The following HS2ST1 variants were observed in gnomAD, a reference collection of about 807,000 sequenced individuals.
HS2ST1 encodes heparan sulfate 2-O-sulfotransferase 1.
A neutral mutation model predicts 42.9 loss-of-function variants in HS2ST1; 18 were observed. The ratio of observed to expected loss-of-function variants is 0.42; its 90% CI spans 0.29 to 0.62. The LOEUF is 0.62. Among genes scored for constraint, HS2ST1 ranks in the 20% least tolerant of loss-of-function variants. The pLI, the probability that HS2ST1 is intolerant of heterozygous loss-of-function variation, is 0.21. For synonymous variants in HS2ST1, 146 were observed against 152.9 expected, an observed-to-expected ratio of 0.95 and a Z score of 0.33; for missense variants, 334 against 433.8, an observed-to-expected ratio of 0.77 and a Z score of 2.04.
chr1:87,107,242 A>T lies in HS2ST1; in HGVS notation c.*2546A>T, dbSNP rs554800673. 2.0e-5 allele frequency: 3 copies of T among 152,114 alleles called. No homozygotes were observed. Among genetic ancestry groups the T allele is most frequent in the African/African-American group, 7.2e-5 (3 of 41,544 alleles). The allele number at this position is 152,114 out of a possible 1,614,324, so 9.4% of individuals were successfully genotyped here. ...CTTATATCCAAAGAATTGCTTTCTGATTCGTGTAGTCTCTCCCACAGATTC... is the reference window on the plus strand; with the variant it reads ...CTTATATCCAAAGAATTGCTTTCTGTTTCGTGTAGTCTCTCCCACAGATTC... On this transcript the variant is annotated 3_prime_UTR_variant, in exon 7 of 7. Coordinates refer to ENST00000370550, the MANE Select transcript of HS2ST1 (RefSeq NM_012262.4).
intron 1 of HS2ST1, among the ~76,000 whole-genome samples, chr1:87,029,551 A>G (rs778532567): frequency 3.3e-5 from 5 of 152,230 alleles, no homozygotes; most frequent in Non-Finnish European, 5.9e-5. Flanking sequence ...TATTAGTGAT[A>G]AAGCTGAGAA....
intron 1 of HS2ST1, among the ~76,000 whole-genome samples, chr1:86,995,177 C>T (rs955959209): frequency 2.6e-5 from 4 of 152,018 alleles, no homozygotes; most frequent in Admixed American, 2.0e-4. Context: ...GAAATGAAAG[C>T]AAAAATCTAC....
chr1:86,941,755 A>T (rs1193634987), intron 1 of HS2ST1, among the ~76,000 whole-genome samples: 2 of 152,202 alleles, frequency 1.3e-5, no homozygotes, highest in African/African-American at 4.8e-5. Context: ...AGCCTGGGCA[A>T]CAGAGCAAGA....
intron 5 of HS2ST1, 170 bp downstream of exon 5, chr1:87,098,105 A>T (rs1294562882): frequency 7.2e-7 from 1 of 1,387,738 alleles, no homozygotes; most frequent in Non-Finnish European, 9.4e-7. Flanking sequence ...CATTTAAAAG[A>T]TTCCTCATGT....
intron 1 of HS2ST1, among the ~76,000 whole-genome samples, chr1:87,051,517 A>T (rs1441868166): frequency 6.6e-6 from 1 of 152,242 alleles, no homozygotes; most frequent in Non-Finnish European, 1.5e-5. Context: ...AGATATTAAA[A>T]TGTCTATTGT....
intron 1 of HS2ST1, among the ~76,000 whole-genome samples, chr1:86,981,045 T>C (rs757659999): frequency 8.6e-5 from 13 of 151,940 alleles, no homozygotes; most frequent in Non-Finnish European, 1.8e-4. Flanking sequence ...CTTACAATCA[T>C]GGTGGAAGGC....
chr1:86,952,648 G>A (rs1255354365), intron 1 of HS2ST1, among the ~76,000 whole-genome samples: 2 of 152,222 alleles, frequency 1.3e-5, no homozygotes, highest in Non-Finnish European at 2.9e-5. Context: ...CTCCATCAGA[G>A]TTATTGGGTA....
chr1:87,069,106 C>T (rs1651334900), intron 1 of HS2ST1, among the ~76,000 whole-genome samples: 1 of 152,144 alleles, frequency 6.6e-6, no homozygotes, highest in East Asian at 1.9e-4. Context: ...AGAGGTGGGC[C>T]TAGTCTTGCT....
intron 4 of HS2ST1, 83 bp from the exon 5 acceptor site, chr1:87,097,751 CATTT>C (rs1652102954): frequency 6.7e-7 from 1 of 1,490,524 alleles, no homozygotes; most frequent in African/African-American, 1.4e-5. Context: ...TACTCTGGCC[CATTT>C]ATTTAATAAT....
chr1:86,915,298 G>A (rs1483275310), intron 1 of HS2ST1, 138 bp downstream of exon 1: 1 of 967,428 alleles, frequency 1.0e-6, no homozygotes, highest in Non-Finnish European at 1.5e-6. Context: ...CGGGAACAAG[G>A]GGCAGCGAGA....
chr1:86,954,594 A>G (rs969914582), intron 1 of HS2ST1, among the ~76,000 whole-genome samples: 1 of 152,214 alleles, frequency 6.6e-6, no homozygotes, highest in Admixed American at 6.5e-5. Context: ...TATTTGAACC[A>G]TTAATGCCTT....
At chr1:86,972,147 A>G (rs1201365675) in intron 1 of HS2ST1, among the ~76,000 whole-genome samples, 2 of 152,100 alleles carry the variant, frequency 1.3e-5, no homozygotes, top group Non-Finnish European at 2.9e-5. Context: ...GTTTCAGAAA[A>G]ATTTTTAAGG....
At chr1:86,985,473 TACAC>T (rs1327553600) in intron 1 of HS2ST1, among the ~76,000 whole-genome samples, 5 of 76,222 alleles carry the variant, frequency 6.6e-5, no homozygotes, top group African/African-American at 1.9e-4. Context: ...TACACATATA[TACAC>T]ATATATACAC....
chr1:87,004,220 A>T (rs957524996), intron 1 of HS2ST1, among the ~76,000 whole-genome samples: 1 of 152,054 alleles, frequency 6.6e-6, no homozygotes, highest in African/African-American at 2.4e-5. Context: ...GTGAAACCCC[A>T]TCTCTACTAC....
chr1:87,081,057 T>C (rs960446261), intron 2 of HS2ST1, among the ~76,000 whole-genome samples: 1 of 152,162 alleles, frequency 6.6e-6, no homozygotes, highest in African/African-American at 2.4e-5. Context: ...TCCAGATATA[T>C]AAAGCAAATA....
intron 1 of HS2ST1, among the ~76,000 whole-genome samples, chr1:87,032,708 C>T (rs1000613011): frequency 2.0e-5 from 3 of 152,014 alleles, no homozygotes; most frequent in African/African-American, 7.2e-5. Flanking sequence ...ACCTTGAGTT[C>T]TTGTTCTTAG....
At chr1:86,922,308 C>A (rs1380764216) in intron 1 of HS2ST1, among the ~76,000 whole-genome samples, 1 of 150,920 alleles carries the variant, frequency 6.6e-6, no homozygotes, top group East Asian at 1.9e-4. Context: ...ATACATGAGT[C>A]CTACAATACA....
intron 1 of HS2ST1, among the ~76,000 whole-genome samples, chr1:86,975,619 A>G (rs1235000643): frequency 2.0e-5 from 3 of 152,202 alleles, no homozygotes; most frequent in African/African-American, 4.8e-5. Context: ...TCAAGATGGC[A>G]TTAAACTGTT....
Position 86,914,874 on chromosome 1 carries a change from G to C in HS2ST1, c.-163G>C. The stretch of plus-strand genomic sequence containing the variant: ...CGTTGGTGATAGCGCCTGGGGGAGG[G>C]GGACTGGAGAGGCGAGAAGGGGGGT... On this transcript the variant is annotated 5_prime_UTR_variant, in exon 1 of 7. Transcript: ENST00000370550. The C allele has an allele frequency of 2.7e-6, 2 of 749,466 alleles. No homozygotes were observed. Among genetic ancestry groups the C allele is most frequent in the South Asian group, 1.8e-5 (1 of 56,622 alleles). The allele number at this position is 749,466 out of a possible 1,614,324, so 46.4% of individuals were successfully genotyped here.
Sources: gnomAD v4.1 joint callset for allele counts (sites outside exome capture counted in the v4.1 genomes callset) on GRCh38, gnomAD v4.1.1 for gene constraint, MANE v1.5 for transcripts, NCBI Gene and HGNC (gene_info 2026-07-23, HGNC 2026-07-21) for gene names.